Variants in MAP3K8 observed in about 807,000 individuals in gnomAD.
MAP3K8 encodes the protein mitogen-activated protein kinase kinase kinase 8, also known as Ewing sarcoma transformant.
MAP3K8 carries 22 observed loss-of-function variants against 45.8 expected under a neutral mutation model. That is an observed-to-expected ratio of 0.48 (90% confidence interval 0.34 to 0.69). The LOEUF (loss-of-function observed/expected upper bound fraction) is 0.69. Ranked by LOEUF, MAP3K8 falls within the 30% of genes least tolerant of loss-of-function variation. The probability of loss-of-function intolerance (pLI) is 0.01; values close to 1 mark genes in which losing one functional copy is unlikely to be tolerated. For synonymous variants in MAP3K8, 223 were observed against 214.3 expected (o/e 1.04, Z -0.36); for missense variants, 419 against 585.0 (o/e 0.72, Z 2.93).
In MAP3K8 at chr10:30,437,386, T is replaced by A; in HGVS notation, c.-44T>A. Reference sequence around the variant, plus strand: ...ACTTTATGAGCTTGAACTCTGTTAATCCTCACGACCACCTCATGAGGTAGG... The same window carrying A: ...ACTTTATGAGCTTGAACTCTGTTAAACCTCACGACCACCTCATGAGGTAGG... On this transcript the variant is annotated 5_prime_UTR_variant, in exon 2 of 9. Coordinates refer to ENST00000263056, the MANE Select transcript of MAP3K8 (RefSeq NM_005204.4). 2.4e-6 allele frequency: 2 copies of A among 832,886 alleles called. No homozygotes were observed. Among genetic ancestry groups the A allele is most frequent in the Non-Finnish European group, 2.9e-6 (2 of 690,410 alleles). 51.6% of individuals were successfully genotyped at this position (832,886 alleles called of 1,614,324 possible). A position where few individuals can be genotyped will look rare whatever the true frequency, so the allele number is the denominator to read the frequency against.
rs1203134409 is a variant in MAP3K8 at position 30,436,691 on chromosome 10, A to G, written c.-254-485A>G. ...AATAAAGAATAAAAAGAATACCACT[A>G]CTACTATAAAAAAAAAAAAAATCCT... On this transcript the variant is annotated intron_variant, in intron 1 of 8. Transcript: ENST00000263056. Among the ~76,000 whole-genome samples the G allele has an allele frequency of 2.8e-5, 4 of 145,308 alleles. No homozygotes were observed. In the East Asian group the frequency reaches 7.8e-4, roughly 29 times the overall value.
At chr10:30,460,282 C>T (rs1836890097) in intron 8 of MAP3K8, among the ~76,000 whole-genome samples, 1 of 152,126 alleles carries the variant, frequency 6.6e-6, no homozygotes. Context: ...GTAAATTTTT[C>T]CCACTTAGGA....
rs1161035133 is a variant in MAP3K8, at chr10:30,461,496, G to A, written c.*660G>A. On this transcript the variant is annotated 3_prime_UTR_variant, in exon 9 of 9. Coordinates refer to ENST00000263056, the MANE Select transcript of MAP3K8 (RefSeq NM_005204.4). ...GAAGACATTCAAAACGTGATGTTTT[G>A]AATGTGGATAAAACTGTGTAAACCA... The A allele has an allele frequency of 5.1e-6, 1 of 195,768 alleles. No homozygotes were observed. Among genetic ancestry groups the A allele is most frequent in the African/African-American group, 2.3e-5 (1 of 43,242 alleles). 12.1% of individuals were successfully genotyped at this position (195,768 alleles called of 1,614,324 possible).
rs1222040910 is a variant in MAP3K8 at position 30,461,328 on chromosome 10, A to G, written c.*492A>G. The G allele has an allele frequency of 3.3e-5, 7 of 211,504 alleles. No homozygotes were observed. The highest frequency in any genetic ancestry group is 6.7e-5 in the Non-Finnish European group (7 of 104,114). 13.1% of individuals were successfully genotyped at this position (211,504 alleles called of 1,614,324 possible). On this transcript the variant is annotated 3_prime_UTR_variant, in exon 9 of 9. Coordinates refer to ENST00000263056, the MANE Select transcript of MAP3K8 (RefSeq NM_005204.4). ...ATTCATTATAATTTGGGTGACTAGA[A>G]CAACTTGAAGATTGTAGCAATAAGC...
chr10:30,436,541 A>G (rs760244552), intron 1 of MAP3K8, among the ~76,000 whole-genome samples: 1 of 152,088 alleles, frequency 6.6e-6, no homozygotes, highest in Non-Finnish European at 1.5e-5. Flanking sequence ...TGGGTTTTAC[A>G]TATAAATGCC....
chr10:30,438,041 T>C (rs1012262064), intron 2 of MAP3K8, among the ~76,000 whole-genome samples: 3 of 152,230 alleles, frequency 2.0e-5, no homozygotes, highest in Non-Finnish European at 4.4e-5. Context: ...CTGATTTGTA[T>C]ATAAGAGCTG....
intron 3 of MAP3K8, among the ~76,000 whole-genome samples, chr10:30,446,179 C>T (rs1040712890): frequency 5.3e-5 from 8 of 152,166 alleles, no homozygotes; most frequent in African/African-American, 1.7e-4. Flanking sequence ...AGGCGTGAGC[C>T]ACCGCACCTA....
At position 30,438,952 on chromosome 10, in the gene MAP3K8, G is replaced by T. The variant is rs1016753845; in HGVS notation, c.14G>T (p.Ser5Ile). The T allele has an allele frequency of 1.9e-6, 3 of 1,607,446 alleles. No homozygotes were observed. Among genetic ancestry groups the T allele is most frequent in the Admixed American group, 3.3e-5 (2 of 59,746 alleles). ...AGAGCAACAGTAATGGAGTACATGA[G>T]CACTGGAAGTGACAATAAAGAAGAG... is the stretch of plus-strand genomic sequence containing the variant. MEYM[S>I]TGSDNKEEID... is the part of the protein sequence containing the mutation. Residue 5 changes from serine (S) to isoleucine (I), a missense_variant, in exon 3 of 9, where the codon AGC becomes ATC. By Grantham distance (142) the Ser-to-Ile change is moderately radical. This residue lies in a region of MAP3K8 where 102 missense variants were observed against 93.5 expected (regional missense o/e 1.09). Transcript: ENST00000263056.
At chr10:30,438,877 C>A in intron 2 of MAP3K8, 39 bp from the exon 3 acceptor site, 2 of 1,167,802 alleles carry the variant, frequency 1.7e-6, no homozygotes, top group Non-Finnish European at 2.4e-6. Context: ...AATGCAAATA[C>A]AAATATCGTA....
intron 1 of MAP3K8, among the ~76,000 whole-genome samples, chr10:30,436,585 C>G (rs1053744323): frequency 6.6e-6 from 1 of 151,860 alleles, no homozygotes; most frequent in African/African-American, 2.4e-5. Flanking sequence ...AAACTAACAT[C>G]TTGTCTTACA....
intron 7 of MAP3K8, 90 bp downstream of exon 7, chr10:30,458,326 A>G (rs903537891): frequency 2.4e-6 from 2 of 839,588 alleles, no homozygotes; most frequent in South Asian, 3.2e-5. Flanking sequence ...TCTGCCTTCT[A>G]TACCACCCCC....
rs964229304 is a variant in MAP3K8, at chr10:30,437,157, T to A, written c.-254-19T>A. On this transcript the variant is annotated intron_variant, in intron 1 of 8. Transcript: ENST00000263056. The stretch of plus-strand genomic sequence containing the variant: ...TAGGTTTCTGCCTTTTTTTTCTCTC[T>A]CTTTATGTCTTGTTTTAGATGCAAT... The A allele has an allele frequency of 3.0e-6, 3 of 985,090 alleles. No individual in the cohort carries two copies. The highest frequency in any genetic ancestry group is 3.6e-6 in the Non-Finnish European group (3 of 829,846). The allele number at this position is 985,090 out of a possible 1,614,324, so 61.0% of individuals were successfully genotyped here. A position where few individuals can be genotyped will look rare whatever the true frequency, so the allele number is the denominator to read the frequency against.
At position 30,461,541 on chromosome 10, in the gene MAP3K8, A is replaced by C. The variant is rs1836939070; in HGVS notation, c.*705A>C. On this transcript the variant is annotated 3_prime_UTR_variant, in exon 9 of 9. Coordinates refer to ENST00000263056, the MANE Select transcript of MAP3K8 (RefSeq NM_005204.4). ...AAACCACATAATTTTTGTACATCCC[A>C]AAGGATGAGAATGTGACCTTTAAGA... 5.2e-6 allele frequency: 1 copy of C among 193,052 alleles called. No individual in the cohort carries two copies. Among genetic ancestry groups the C allele is most frequent in the Admixed American group, 6.1e-5 (1 of 16,322 alleles). The allele number at this position is 193,052 out of a possible 1,614,324, so 12.0% of individuals were successfully genotyped here.
intron 6 of MAP3K8, among the ~76,000 whole-genome samples, chr10:30,457,310 CAGAT>C (rs1284500637): frequency 1.3e-5 from 2 of 152,116 alleles, no homozygotes; most frequent in African/African-American, 2.4e-5. Context: ...GTAAAAATAA[CAGAT>C]AGTTTGTAAA....
At chr10:30,457,276 T>A (rs531093228) in intron 6 of MAP3K8, among the ~76,000 whole-genome samples, 1 of 152,340 alleles carries the variant, frequency 6.6e-6, no homozygotes, top group Non-Finnish European at 1.5e-5. Flanking sequence ...GCATTTAATA[T>A]TTAGTCACTG....
intron 6 of MAP3K8, among the ~76,000 whole-genome samples, chr10:30,454,581 G>A (rs1049048715): frequency 4.1e-5 from 6 of 146,962 alleles, no homozygotes; most frequent in African/African-American, 1.2e-4. Flanking sequence ...AAAAAAAAAC[G>A]CCAAGATTCT....
chr10:30,455,879 C>T (rs1045278804), intron 6 of MAP3K8, among the ~76,000 whole-genome samples: 1 of 152,232 alleles, frequency 6.6e-6, no homozygotes, highest in African/African-American at 2.4e-5. Flanking sequence ...TTATGCCCTG[C>T]TGCTCCCTGA....
At chr10:30,439,677 C>T (rs1013043273) in intron 3 of MAP3K8, among the ~76,000 whole-genome samples, 1 of 152,034 alleles carries the variant, frequency 6.6e-6, no homozygotes, top group Non-Finnish European at 1.5e-5. Context: ...GGCATGGTGG[C>T]GGGTGCCTGT....
At chr10:30,447,140 T>C (rs765126867) in intron 3 of MAP3K8, among the ~76,000 whole-genome samples, 25 of 152,202 alleles carry the variant, frequency 1.6e-4, no homozygotes, top group Middle Eastern at 3.2e-3. Context: ...GGATCAGCCA[T>C]CTCGTTTGTG....
Sources: allele counts gnomAD v4.1 joint callset (sites outside exome capture counted in the v4.1 genomes callset), GRCh38; gene constraint gnomAD v4.1.1; regional missense constraint gnomAD v4.1.1; transcripts MANE v1.5; gene names NCBI Gene and HGNC (gene_info 2026-07-23, HGNC 2026-07-21).